Variants in PARN observed in about 807,000 individuals in gnomAD.
PARN encodes poly(A)-specific ribonuclease PARN.
PARN carries 71 observed loss-of-function variants against 102.8 expected under a neutral mutation model. That is an observed-to-expected ratio of 0.69 (90% CI 0.57 to 0.84). The LOEUF is 0.84. Among genes scored for constraint, PARN ranks in the 40% least tolerant of loss-of-function variants. PARN has a pLI of 0.00. For missense variants in PARN, 782 were observed against 760.9 expected, an observed-to-expected ratio of 1.03 and a Z score of -0.33; for synonymous variants, 261 against 252.9, an observed-to-expected ratio of 1.03 and a Z score of -0.30.
At chr16:14,614,982 C>T (rs976487930) in intron 6 of PARN, among the ~76,000 whole-genome samples, 6 of 151,164 alleles carry the variant, frequency 4.0e-5, no homozygotes, top group Admixed American at 6.6e-5. Flanking sequence ...GGAAAACCAC[C>T]GGGGATGGAG....
rs752306700 is a variant in PARN, at chr16:14,627,287, T to C, written c.227A>G (p.Tyr76Cys). ...LFQFGLCTFK[Y>C]DYTDSKYITK... ...AACCTACTTTGAATCTGTGTAGTCA[T>C]ACTTAAAAGTGCAAAGGCCAAACTG... Residue 76 changes from tyrosine (Y) to cysteine (C), a missense_variant, in exon 4 of 24, where the codon TAT (tyrosine) becomes TGT (cysteine). Tyr to Cys is a radical substitution (Grantham distance 194). Transcript: ENST00000437198. 4 of 1,594,736 alleles carry C rather than the reference T, an allele frequency of 2.5e-6. No individual in the cohort carries two copies. The highest frequency in any genetic ancestry group is 3.3e-4 in the Middle Eastern group (2 of 6,044).
intron 21 of PARN, among the ~76,000 whole-genome samples, chr16:14,509,676 T>C (rs1596541030): frequency 6.6e-6 from 1 of 152,320 alleles, no homozygotes; most frequent in East Asian, 1.9e-4. Flanking sequence ...TAAGAGCACT[T>C]GAAAGATACT....
intron 22 of PARN, among the ~76,000 whole-genome samples, chr16:14,450,273 A>C (rs1202076502): frequency 6.6e-6 from 1 of 152,220 alleles, no homozygotes; most frequent in African/African-American, 2.4e-5. Context: ...ATTGCAAACA[A>C]ATCCTGAACC....
intron 22 of PARN, among the ~76,000 whole-genome samples, chr16:14,466,042 G>A (rs1395878657): frequency 6.6e-6 from 1 of 152,084 alleles, no homozygotes; most frequent in Non-Finnish European, 1.5e-5. Context: ...TAACTATTGC[G>A]TACCAGGCTT....
intron 10 of PARN, 48 bp from the exon 11 acceptor site, chr16:14,604,274 T>C (rs767156149): frequency 1.6e-6 from 2 of 1,239,424 alleles, no homozygotes; most frequent in Non-Finnish European, 2.3e-6. Context: ...TTTTCTTTTT[T>C]TTTGAGACAG....
intron 12 of PARN, among the ~76,000 whole-genome samples, chr16:14,597,662 G>A (rs975964370): frequency 6.6e-6 from 1 of 150,810 alleles, no homozygotes; most frequent in South Asian, 2.1e-4. Flanking sequence ...GCGCCACCGC[G>A]CTCCAGCGTG....
intron 17 of PARN, 74 bp downstream of exon 17, chr16:14,582,107 C>A: frequency 1.1e-6 from 1 of 877,312 alleles, no homozygotes; most frequent in Non-Finnish European, 1.9e-6. Context: ...TTTATTACAG[C>A]AGCCTAAGCC....
At chr16:14,487,078 T>A (rs1254795273) in intron 21 of PARN, among the ~76,000 whole-genome samples, 2 of 152,230 alleles carry the variant, frequency 1.3e-5, no homozygotes, top group Admixed American at 1.3e-4. Flanking sequence ...ACCCGGGGCA[T>A]CCGGTGGAAG....
intron 22 of PARN, among the ~76,000 whole-genome samples, chr16:14,475,153 T>A (rs576732966): frequency 6.6e-6 from 1 of 152,342 alleles, no homozygotes; most frequent in East Asian, 1.9e-4. Flanking sequence ...TCAGTTGAGA[T>A]AAACCAAAGA....
intron 12 of PARN, 63 bp downstream of exon 12, chr16:14,599,841 A>T (rs1970766307): frequency 2.7e-5 from 26 of 956,092 alleles, no homozygotes; most frequent in Admixed American, 2.1e-5. Context: ...CTGCAATGAT[A>T]ATTAGATACT....
At chr16:14,467,037 G>A (rs1234067129) in intron 22 of PARN, among the ~76,000 whole-genome samples, 4 of 152,140 alleles carry the variant, frequency 2.6e-5, no homozygotes, top group Non-Finnish European at 4.4e-5. Flanking sequence ...TGTGCACCCC[G>A]CTTTTCCTGA....
intron 10 of PARN, among the ~76,000 whole-genome samples, chr16:14,605,221 G>A (rs1596832653): frequency 6.6e-6 from 1 of 152,316 alleles, no homozygotes; most frequent in East Asian, 1.9e-4. Flanking sequence ...TGGGATTACA[G>A]GCCTGAGCCA....
intron 22 of PARN, among the ~76,000 whole-genome samples, chr16:14,451,382 T>C (rs1238996212): frequency 6.6e-6 from 1 of 152,190 alleles, no homozygotes; most frequent in African/African-American, 2.4e-5. Context: ...AAACTGAAAC[T>C]AGGAGCAGTG....
At chr16:14,564,696 T>A (rs556338753) in intron 18 of PARN, among the ~76,000 whole-genome samples, 1 of 151,778 alleles carries the variant, frequency 6.6e-6, no homozygotes, top group East Asian at 1.9e-4. Flanking sequence ...AAGAACAGAG[T>A]TTATTCTGGT....
chr16:14,511,764 G>T (rs903331511), intron 21 of PARN, among the ~76,000 whole-genome samples: 1 of 152,148 alleles, frequency 6.6e-6, no homozygotes, highest in African/African-American at 2.4e-5. Context: ...AGAGTGGCAC[G>T]ATCTTCACTT....
At chr16:14,463,666 A>G (rs1402829297) in intron 22 of PARN, among the ~76,000 whole-genome samples, 1 of 152,186 alleles carries the variant, frequency 6.6e-6, no homozygotes, top group East Asian at 1.9e-4. Flanking sequence ...CCAAAATAAA[A>G]CACAGAGAAA....
At chr16:14,490,915 T>G (rs1596503410) in intron 21 of PARN, among the ~76,000 whole-genome samples, 2 of 151,970 alleles carry the variant, frequency 1.3e-5, no homozygotes, top group East Asian at 3.9e-4. Context: ...TTAAAAATCT[T>G]TAAAGAAAGA....
At chr16:14,527,571 A>G (rs1374340778) in intron 21 of PARN, among the ~76,000 whole-genome samples, 3 of 152,200 alleles carry the variant, frequency 2.0e-5, no homozygotes, top group Non-Finnish European at 4.4e-5. Flanking sequence ...CTCTGATCAC[A>G]TGTTCATCAA....
intron 22 of PARN, among the ~76,000 whole-genome samples, chr16:14,481,945 T>C (rs921174285): frequency 1.3e-5 from 2 of 152,164 alleles, no homozygotes; most frequent in Non-Finnish European, 2.9e-5. Context: ...TGGTTCAGTA[T>C]CTACAGGACC....
Sources: allele counts gnomAD v4.1 joint callset (sites outside exome capture counted in the v4.1 genomes callset), GRCh38; gene constraint gnomAD v4.1.1; transcripts MANE v1.5; gene names NCBI Gene and HGNC (gene_info 2026-07-23, HGNC 2026-07-21).